Variants in ARSD observed in about 807,000 individuals in gnomAD.
ARSD encodes testis tissue sperm-binding protein Li 39a.
A neutral mutation model predicts 32.6 loss-of-function variants in ARSD; 21 were observed. That is an observed-to-expected ratio of 0.64 (90% CI 0.46 to 0.93). ARSD has a LOEUF of 0.93. Among genes scored for constraint, ARSD ranks in the 40% least tolerant of loss-of-function variants. The pLI is 0.00. For missense variants in ARSD, 454 were observed against 520.9 expected (o/e 0.87, Z 1.25); for synonymous variants, 224 against 237.4 (o/e 0.94, Z 0.52).
At position 2,912,377 on chromosome X, in the gene ARSD, G is replaced by C. The variant is rs544676340; in HGVS notation, c.1001-1584C>G. Among the ~76,000 whole-genome samples, 13 of 110,883 alleles carry C rather than the reference G, an allele frequency of 1.2e-4. No individual in the cohort carries two copies. The South Asian group carries it at 5.1e-3, about 43-fold the overall frequency. ...TGACCTGGAAGCCCCCCTTTCAGTG[G>C]TCTTGCCTTTCTGCACTGAACCAAG... On this transcript the variant is annotated intron_variant, in intron 6 of 9. Coordinates refer to ENST00000381154, the MANE Select transcript of ARSD (RefSeq NM_001669.4).
chrX:2,913,873 G>T, intron 6 of ARSD: 2 of 408,943 alleles, frequency 4.9e-6, no homozygotes, highest in Non-Finnish European at 6.6e-6. Flanking sequence ...TCCCCCGCTT[G>T]GTGCTGCGGA....
At chrX:2,920,081 G>A (rs1434330851) in intron 4 of ARSD, among the ~76,000 whole-genome samples, 1 of 111,356 alleles carries the variant, frequency 9.0e-6, no homozygotes, top group Non-Finnish European at 1.9e-5. Context: ...CCCTGCCGGG[G>A]TTTATTGTCT....
At position 2,916,889 on chromosome X, in the gene ARSD, A is replaced by G. The variant is rs1192624456; in HGVS notation, c.863+915T>C. Reference sequence around the variant, plus strand: ...TAAGTATGCTGTTTGATCGTTATTCAGTGTATACATGTAACAAAATTTCAC... The same window carrying G: ...TAAGTATGCTGTTTGATCGTTATTCGGTGTATACATGTAACAAAATTTCAC... On this transcript the variant is annotated intron_variant, in intron 5 of 9. Coordinates refer to ENST00000381154, the MANE Select transcript of ARSD (RefSeq NM_001669.4). Among the ~76,000 whole-genome samples, 17 of 111,151 alleles carry G rather than the reference A, an allele frequency of 1.5e-4. No individual in the cohort carries two copies. The Admixed American group carries it at 1.6e-3, about 11-fold the overall frequency.
intron 1 of ARSD, among the ~76,000 whole-genome samples, chrX:2,929,021 G>GC (rs1294400852): frequency 4.5e-5 from 5 of 110,581 alleles, no homozygotes; most frequent in Non-Finnish European, 1.9e-5. Context: ...CCCCTCAGTC[G>GC]CCCCCCATCC....
intron 2 of ARSD, among the ~76,000 whole-genome samples, chrX:2,922,416 G>T (rs1473009017): frequency 9.0e-6 from 1 of 110,560 alleles, no homozygotes; most frequent in Admixed American, 9.7e-5. Context: ...ATGCAAGGGT[G>T]GGGGCGTTTA....
At chrX:2,909,482 C>T (rs2088882494) in intron 8 of ARSD, among the ~76,000 whole-genome samples, 1 of 110,908 alleles carries the variant, frequency 9.0e-6, no homozygotes, top group Admixed American at 9.6e-5. Flanking sequence ...CCATTGCATC[C>T]GACCTGTCCT....
chrX:2,917,860 C>G lies in ARSD; in HGVS notation c.807G>C (p.Met269Ile). Residue 269 changes from methionine to isoleucine, a missense_variant, in exon 5 of 10, where the codon ATG (methionine) becomes ATC (isoleucine). By Grantham distance (10) the Met-to-Ile change is conservative. Transcript: ENST00000381154. Reference sequence around the variant, plus strand: ...TAAGACTCGCTGTTTTCTCCAGAACCATGGGTTGCTCCGTGACGTCATGGT... The same window carrying G: ...TAAGACTCGCTGTTTTCTCCAGAACGATGGGTTGCTCCGTGACGTCATGGT... ...MRNHDVTEQP[M>I]VLEKTASLML... 1 of 1,211,895 alleles carries G rather than the reference C, an allele frequency of 8.3e-7. No individual in the cohort carries two copies. The highest frequency in any genetic ancestry group is 1.1e-6 in the Non-Finnish European group (1 of 895,383).
intron 2 of ARSD, among the ~76,000 whole-genome samples, chrX:2,922,538 T>C (rs1289902089): frequency 9.2e-6 from 1 of 109,160 alleles, no homozygotes; most frequent in Non-Finnish European, 1.9e-5. Flanking sequence ...TCATCAGATA[T>C]CAAAAAACTG....
intron 6 of ARSD, 49 bp downstream of exon 6, chrX:2,915,507 C>G (rs1427572946): frequency 8.3e-7 from 1 of 1,203,162 alleles, no homozygotes; most frequent in Non-Finnish European, 1.1e-6. Flanking sequence ...GCCCTATGTT[C>G]AAACCTGAGG....
intron 2 of ARSD, among the ~76,000 whole-genome samples, chrX:2,922,947 T>C (rs1268975136): frequency 9.4e-6 from 1 of 106,101 alleles, no homozygotes; most frequent in Non-Finnish European, 1.9e-5. Context: ...ATGGAATCTA[T>C]GGAATATGAC....
In ARSD at chrX:2,909,844, A is replaced by G; in HGVS notation, c.1271T>C (p.Leu424Pro). Residue 424 changes from leucine to proline, a missense_variant, in exon 8 of 10, where the codon CTG becomes CCG. By Grantham distance (98) the Leu-to-Pro change is moderately conservative (BLOSUM62 -3). Transcript: ENST00000381154. ...GTCCTGGGGCACCTCGCCACCCACC[A>G]GCTGGACCACAGTAGGGAACACGTC... The part of the protein sequence containing the change: ...LMDVFPTVVQ[L>P]VGGEVPQDRV... 1 of 1,209,309 alleles carries G rather than the reference A, an allele frequency of 8.3e-7. No homozygotes were observed. Among genetic ancestry groups the G allele is most frequent in the East Asian group, 3.0e-5 (1 of 33,746 alleles).
At chrX:2,913,102 G>A (rs1220096291) in intron 6 of ARSD, among the ~76,000 whole-genome samples, 1 of 112,002 alleles carries the variant, frequency 8.9e-6, no homozygotes, top group East Asian at 2.8e-4. Flanking sequence ...GGAGACATGA[G>A]ACATCCATCG....
intron 2 of ARSD, among the ~76,000 whole-genome samples, chrX:2,922,341 A>C (rs767018312): frequency 1.8e-4 from 20 of 110,397 alleles, no homozygotes; most frequent in Non-Finnish European, 1.9e-5. Flanking sequence ...TGAAATAAGG[A>C]AGCAAGGAAA....
chrX:2,928,952 T>TTC (rs2089121533), intron 1 of ARSD, among the ~76,000 whole-genome samples: 1 of 112,229 alleles, frequency 8.9e-6, no homozygotes, highest in South Asian at 3.7e-4. Context: ...TCCTCCTTTG[T>TTC]TCTCTTTCCC....
At chrX:2,913,660 T>C (rs2088922105) in intron 6 of ARSD, 1 of 986,775 alleles carries the variant, frequency 1.0e-6, no homozygotes, top group African/African-American at 2.0e-5. Context: ...CCTCTCTGCA[T>C]TGTCCGAACT....
intron 1 of ARSD, among the ~76,000 whole-genome samples, chrX:2,926,580 A>G (rs2089084473): frequency 9.0e-6 from 1 of 111,471 alleles, no homozygotes; most frequent in South Asian, 3.8e-4. Flanking sequence ...CTGGCCTGCC[A>G]CACTAGACCA....
rs1603461350 is a variant in ARSD at position 2,925,431 on chromosome X, G to C, written c.194+185C>G. On this transcript the variant is annotated intron_variant, in intron 2 of 9. Coordinates refer to ENST00000381154, the MANE Select transcript of ARSD (RefSeq NM_001669.4). ...CGTTGTTTTAAGCTACCCATTTTGT[G>C]GTAGTAATACATTCACCCCCTCACC... 8.9e-5 allele frequency among the ~76,000 whole-genome samples: 10 copies of C among 112,664 alleles called. No homozygotes were observed. The South Asian group carries it at 3.6e-3, about 41-fold the overall frequency.
Position 2,904,840 on chromosome X carries a change from G to A in ARSD, c.*2431C>T, listed in dbSNP as rs1421492835. Reference sequence around the variant, plus strand: ...TTGTTATAATGGGCTTGTTGAATACGGTGAAAGATGAGATGGCTTTTAGCT... The same window carrying A: ...TTGTTATAATGGGCTTGTTGAATACAGTGAAAGATGAGATGGCTTTTAGCT... On this transcript the variant is annotated 3_prime_UTR_variant, in exon 10 of 10. Transcript: ENST00000381154. 4 of 214,909 alleles carry A rather than the reference G, an allele frequency of 1.9e-5. No individual in the cohort carries two copies. The highest frequency in any genetic ancestry group is 1.4e-4 in the East Asian group (1 of 7,103). The allele number at this position is 214,909 out of a possible 1,213,427, so 17.7% of individuals were successfully genotyped here. A position where few individuals can be genotyped will look rare whatever the true frequency, so the allele number is the denominator to read the frequency against.
rs756765255 is a variant in ARSD, at chrX:2,907,328, C to T, written c.1725G>A (p.Pro575=). 1.6e-5 allele frequency: 19 copies of T among 1,210,544 alleles called. No individual in the cohort carries two copies. The highest frequency in any genetic ancestry group is 1.2e-4 in the African/African-American group (7 of 57,419). Residue 575 remains proline (P), a synonymous_variant, in exon 10 of 10, where the codon CCG becomes CCA. Transcript: ENST00000381154. ...SNILWKPWLQ[P]CCGHFPFCSC... ...AACAGAACGGGAAATGTCCGCAGCA[C>T]GGCTGCAGCCACGGCTTCCACAGGA...
Sources: allele counts gnomAD v4.1 joint callset (sites outside exome capture counted in the v4.1 genomes callset), GRCh38; gene constraint gnomAD v4.1.1; transcripts MANE v1.5; gene names NCBI Gene and HGNC (gene_info 2026-07-23, HGNC 2026-07-21).